Variants in CUL5 observed in about 807,000 individuals in gnomAD.
CUL5 encodes cullin 5, also known as cullin-5.
CUL5 carries 26 observed loss-of-function variants against 108.8 expected under a neutral mutation model. The ratio of observed to expected loss-of-function variants is 0.24; its 90% confidence interval spans 0.18 to 0.33. The LOEUF (loss-of-function observed/expected upper bound fraction) is 0.33, where lower values mean the gene tolerates loss of function less well. Ranked by LOEUF, CUL5 falls within the 10% of genes least tolerant of loss-of-function variation. CUL5 has a pLI of 1.00. For synonymous variants in CUL5, 334 were observed against 298.0 expected, an observed-to-expected ratio of 1.12 and a Z score of -1.25; for missense variants, 524 against 909.2, an observed-to-expected ratio of 0.58 and a Z score of 5.45.
intron 12 of CUL5, 35 bp downstream of exon 12, chr11:108,088,694 T>A (rs369929530): frequency 6.6e-7 from 1 of 1,515,408 alleles, no homozygotes; most frequent in Admixed American, 2.2e-5. Context: ...CTTTTAAAAT[T>A]ACCTTACTTT....
At chr11:108,024,471 G>A (rs951849382) in intron 1 of CUL5, among the ~76,000 whole-genome samples, 1 of 152,098 alleles carries the variant, frequency 6.6e-6, no homozygotes, top group Non-Finnish European at 1.5e-5. Flanking sequence ...TGAACACATA[G>A]GATAGTTGTG....
chr11:108,037,282 A>G (rs1013789170), intron 2 of CUL5, among the ~76,000 whole-genome samples: 8 of 152,188 alleles, frequency 5.3e-5, no homozygotes, highest in African/African-American at 1.9e-4. Flanking sequence ...AACAGACAGA[A>G]GCTCAGCTGC....
In CUL5 at chr11:108,105,830, A is replaced by G. The variant is rs1383462307; in HGVS notation, c.*1446A>G. Reference sequence around the variant, plus strand: ...TTTTTAAAGTATGGTTTTTGAAGATAGTAGGAAATGGAGTACAGAAAGGCA... The same window carrying G: ...TTTTTAAAGTATGGTTTTTGAAGATGGTAGGAAATGGAGTACAGAAAGGCA... On this transcript the variant is annotated 3_prime_UTR_variant, in exon 19 of 19. Coordinates refer to ENST00000393094, the MANE Select transcript of CUL5 (RefSeq NM_003478.6). The G allele has an allele frequency of 6.6e-6, 1 of 152,148 alleles. No homozygotes were observed. Among genetic ancestry groups the G allele is most frequent in the Non-Finnish European group, 1.5e-5 (1 of 68,000 alleles). 9.4% of individuals were successfully genotyped at this position (152,148 alleles called of 1,614,324 possible).
intron 17 of CUL5, 50 bp downstream of exon 17, chr11:108,097,804 C>A: frequency 2.8e-6 from 3 of 1,059,068 alleles, no homozygotes; most frequent in Non-Finnish European, 4.3e-6. Flanking sequence ...TGAATTTTAG[C>A]ACTTTGTTTT....
chr11:108,044,755 TTTAA>T (rs1432217140), intron 2 of CUL5, among the ~76,000 whole-genome samples: 1 of 151,560 alleles, frequency 6.6e-6, no homozygotes, highest in Non-Finnish European at 1.5e-5. Context: ...TTTTTTATAT[TTTAA>T]TTTATTATTA....
intron 18 of CUL5, among the ~76,000 whole-genome samples, chr11:108,101,708 G>T (rs1864673823): frequency 6.6e-6 from 1 of 152,162 alleles, no homozygotes; most frequent in African/African-American, 2.4e-5. Context: ...TACTCTTTAA[G>T]TGACCTCCAG....
intron 13 of CUL5, among the ~76,000 whole-genome samples, chr11:108,090,904 T>G (rs1376053811): frequency 6.6e-6 from 1 of 152,166 alleles, no homozygotes; most frequent in Admixed American, 6.5e-5. Flanking sequence ...GGAAAAAGAA[T>G]GATTATTCTG....
At chr11:108,071,957 G>T (rs567127926) in intron 8 of CUL5, among the ~76,000 whole-genome samples, 1 of 152,168 alleles carries the variant, frequency 6.6e-6, no homozygotes, top group South Asian at 2.1e-4. Context: ...CGAGAGGATT[G>T]TGTGAGCCCC....
In CUL5 at chr11:108,097,623, T is replaced by G. The variant is rs200939610; in HGVS notation, c.1906-13T>G. 10 of 1,477,426 alleles carry G rather than the reference T, an allele frequency of 6.8e-6. No homozygotes were observed. Among genetic ancestry groups the G allele is most frequent in the Admixed American group, 1.7e-5 (1 of 59,284 alleles). The allele number at this position is 1,477,426 out of a possible 1,614,324, so 91.5% of individuals were successfully genotyped here. A position where few individuals can be genotyped will look rare whatever the true frequency, so the allele number is the denominator to read the frequency against. On this transcript the variant is annotated splice_polypyrimidine_tract_variant and intron_variant, in intron 16 of 18. Coordinates refer to ENST00000393094, the MANE Select transcript of CUL5 (RefSeq NM_003478.6). ...TTTATAGATGCTAATTGTTTTCTCC[T>G]TATTCTTCATAGTCTTTAGTAGCTT... is the stretch of plus-strand genomic sequence containing the variant.
At chr11:108,102,968 G>A (rs971624283) in intron 18 of CUL5, among the ~76,000 whole-genome samples, 8 of 151,538 alleles carry the variant, frequency 5.3e-5, no homozygotes, top group Non-Finnish European at 1.0e-4. Flanking sequence ...GCTAATTTTT[G>A]TATTTTTTAT....
chr11:108,011,444 T>TA (rs1862055128), intron 1 of CUL5, among the ~76,000 whole-genome samples: 1 of 152,188 alleles, frequency 6.6e-6, no homozygotes, highest in South Asian at 2.1e-4. Flanking sequence ...ACTTAGGGTT[T>TA]AGGTTTAAAA....
intron 13 of CUL5, among the ~76,000 whole-genome samples, chr11:108,090,449 C>T (rs1202384529): frequency 6.6e-6 from 1 of 152,060 alleles, no homozygotes; most frequent in Non-Finnish European, 1.5e-5. Context: ...TGAAATCGAG[C>T]CACTGAACTC....
At chr11:108,033,730 A>G (rs1478450297) in intron 1 of CUL5, 72 bp from the exon 2 acceptor site, 1 of 943,868 alleles carries the variant, frequency 1.1e-6, no homozygotes, top group African/African-American at 1.7e-5. Context: ...TAGCTGTCTC[A>G]TAAAAATTAC....
intron 9 of CUL5, among the ~76,000 whole-genome samples, 189 bp from the exon 10 acceptor site, chr11:108,073,201 C>CA (rs371051952): frequency 0.014 from 1,360 of 100,138 alleles, 18 homozygotes; most frequent in African/African-American, 0.043. Flanking sequence ...GACTCCGTCT[C>CA]AAAAAAAAAA....
At chr11:108,014,781 A>G (rs1862138958) in intron 1 of CUL5, among the ~76,000 whole-genome samples, 1 of 152,262 alleles carries the variant, frequency 6.6e-6, no homozygotes, top group Non-Finnish European at 1.5e-5. Context: ...TTTGTTGGGA[A>G]GAGAGACAAT....
At chr11:108,060,313 T>C (rs1395284311) in intron 7 of CUL5, among the ~76,000 whole-genome samples, 1 of 152,196 alleles carries the variant, frequency 6.6e-6, no homozygotes, top group African/African-American at 2.4e-5. Context: ...AAATTAATTA[T>C]TGAATACATT....
Position 108,097,202 on chromosome 11 carries a change from G to A in CUL5, c.1906-434G>A, listed in dbSNP as rs575588556. ...GGCTAATTTTTGTATTTTCAGTAGA[G>A]ACGGGGTTTTGCCGTGTTGCCCAGG... On this transcript the variant is annotated intron_variant, in intron 16 of 18. Coordinates refer to ENST00000393094, the MANE Select transcript of CUL5 (RefSeq NM_003478.6). Among the ~76,000 whole-genome samples the A allele has an allele frequency of 5.9e-5, 9 of 152,260 alleles. No homozygotes were observed. The East Asian group carries it at 1.5e-3, about 26-fold the overall frequency.
At chr11:108,099,593 T>A (rs572994337) in intron 18 of CUL5, among the ~76,000 whole-genome samples, 5 of 152,156 alleles carry the variant, frequency 3.3e-5, no homozygotes, top group African/African-American at 1.2e-4. Flanking sequence ...AAATTTTTAG[T>A]TGTAATTTAG....
At chr11:108,098,599 G>C in intron 18 of CUL5, 70 bp downstream of exon 18, 1 of 1,245,844 alleles carries the variant, frequency 8.0e-7, no homozygotes, top group Non-Finnish European at 1.1e-6. Context: ...TTTAAATTTT[G>C]AAATCTTTTT....
Sources: gnomAD v4.1 joint callset for allele counts (sites outside exome capture counted in the v4.1 genomes callset) on GRCh38, gnomAD v4.1.1 for gene constraint, MANE v1.5 for transcripts, NCBI Gene and HGNC (gene_info 2026-07-23, HGNC 2026-07-21) for gene names.